CENATAC: variants seen among roughly 807,000 people sequenced by gnomAD.
CENATAC encodes the protein coiled-coil domain containing 84.
A neutral mutation model predicts 53.7 loss-of-function variants in CENATAC; 53 were observed. The ratio of observed to expected loss-of-function variants is 0.99; its 90% CI spans 0.79 to 1.24. The LOEUF (loss-of-function observed/expected upper bound fraction) is 1.24, where lower values mean the gene tolerates loss of function less well. Among genes scored for constraint, CENATAC ranks in the 50% most tolerant of loss-of-function variants. The pLI, the probability that CENATAC is intolerant of heterozygous loss-of-function variation, is 0.00. For synonymous variants in CENATAC, 156 were observed against 144.6 expected (o/e 1.08, Z -0.57); for missense variants, 474 against 417.8 (o/e 1.13, Z -1.17).
chr11:119,008,725 G>A (rs1006664248), intron 3 of CENATAC, among the ~76,000 whole-genome samples: 2 of 152,104 alleles, frequency 1.3e-5, no homozygotes, highest in Admixed American at 6.6e-5. Flanking sequence ...CTCATCCCAC[G>A]AGGCCATATT....
intron 7 of CENATAC, 143 bp downstream of exon 7, chr11:119,012,397 C>A: frequency 1.2e-6 from 1 of 857,308 alleles, no homozygotes; most frequent in Non-Finnish European, 1.8e-6. Context: ...TAGTAGTGTT[C>A]TCAGACCTCT....
In CENATAC at chr11:118,998,222, C is replaced by T; in HGVS notation, c.25C>T (p.Leu9=). MAPAQRCP[L]CRQTFFCGRG... ...TATGGCGCCGGCGCAGCGCTGCCCT[C>T]TGTGCCGCCAGACCTTCTTCTGTGG... is the stretch of plus-strand genomic sequence containing the variant. The change falls in exon 1 of 11, where the codon CTG becomes TTG. Residue 9 remains leucine (L), a synonymous_variant. Coordinates refer to ENST00000334418, the MANE Select transcript of CENATAC (RefSeq NM_198489.3). 6.3e-7 allele frequency: 1 copy of T among 1,583,728 alleles called. No homozygotes were observed. Among genetic ancestry groups the T allele is most frequent in the Middle Eastern group, 1.8e-4 (1 of 5,622 alleles).
At chr11:119,013,208 T>C (rs1379175813) in intron 7 of CENATAC, 24 bp from the exon 8 acceptor site, 6 of 1,588,336 alleles carry the variant, frequency 3.8e-6, no homozygotes, top group African/African-American at 1.4e-5. Flanking sequence ...TAACTAGCAC[T>C]TTTTTTCCCA....
At chr11:118,998,966 A>G in intron 2 of CENATAC, 45 bp from the exon 3 acceptor site, 3 of 1,436,392 alleles carry the variant, frequency 2.1e-6, no homozygotes, top group East Asian at 2.3e-5. Flanking sequence ...TCTGAGTAAT[A>G]TTTTATAATC....
intron 4 of CENATAC, 50 bp from the exon 5 acceptor site, chr11:119,011,170 GA>G (rs1323561116): frequency 6.5e-7 from 1 of 1,536,356 alleles, no homozygotes; most frequent in Non-Finnish European, 9.0e-7. Context: ...GGCCTCTGAA[GA>G]AACTGGCCCC....
chr11:119,010,666 T>G, intron 3 of CENATAC, 98 bp from the exon 4 acceptor site: 1 of 1,052,288 alleles, frequency 9.5e-7, no homozygotes, highest in South Asian at 1.4e-5. Flanking sequence ...GTTTCTGAAT[T>G]TGGAATTTCT....
chr11:119,002,952 A>C (rs1299279501), intron 3 of CENATAC: 4 of 386,282 alleles, frequency 1.0e-5, no homozygotes, highest in Non-Finnish European at 2.0e-5. Flanking sequence ...TGCCTTGATA[A>C]TTTTTTTTTT....
intron 8 of CENATAC, 107 bp from the exon 9 acceptor site, chr11:119,014,887 A>T: frequency 1.4e-6 from 1 of 718,088 alleles, no homozygotes; most frequent in Non-Finnish European, 2.3e-6. Flanking sequence ...CTTTGCTTTT[A>T]GACATTTCTA....
chr11:119,015,224 G>A, intron 9 of CENATAC, 83 bp from the exon 10 acceptor site: 1 of 1,499,864 alleles, frequency 6.7e-7, no homozygotes, highest in Non-Finnish European at 9.0e-7. Flanking sequence ...CCAGAAGTTT[G>A]AAAACAGCCT....
At chr11:119,004,781 C>G (rs1189313639) in intron 3 of CENATAC, 3 of 153,630 alleles carry the variant, frequency 2.0e-5, no homozygotes, top group Non-Finnish European at 2.9e-5. Flanking sequence ...AAAGGCAATT[C>G]AGTTGCAGTG....
In CENATAC at chr11:119,015,025, A is replaced by G. The variant is rs143147723; in HGVS notation, c.747A>G (p.Glu249=). 1.2e-6 allele frequency: 2 copies of G among 1,612,142 alleles called. No homozygotes were observed. The highest frequency in any genetic ancestry group is 1.1e-5 in the South Asian group (1 of 90,620). Residue 249 remains glutamate (E), a synonymous_variant, in exon 9 of 11, where the codon GAA becomes GAG. Coordinates refer to ENST00000334418, the MANE Select transcript of CENATAC (RefSeq NM_198489.3). ...GATPPWMIQD[E]EYIAGNQEIG... is the part of the protein sequence containing the mutation. ...CACCTCCCTGGATGATCCAAGATGA[A>G]GAATACATTGCTGGGAACCAAGAAA...
intron 7 of CENATAC, chr11:119,013,023 T>TA: frequency 2.0e-6 from 1 of 503,648 alleles, no homozygotes; most frequent in Non-Finnish European, 3.6e-6. Context: ...TCTCCACTGT[T>TA]ATGACTGTGA....
At chr11:119,014,958 T>TA (rs10680026) in intron 8 of CENATAC, 36 bp from the exon 9 acceptor site, 56,866 of 1,163,114 alleles carry the variant, frequency 0.049, 456 homozygotes, top group African/African-American at 0.16. Context: ...CCTGAAGACT[T>TA]AAAAAAAAAA....
At position 118,998,228 on chromosome 11, in the gene CENATAC, C is replaced by G. The variant is rs782696702; in HGVS notation, c.31C>G (p.Arg11Gly). 6.3e-7 allele frequency: 1 copy of G among 1,584,686 alleles called. No individual in the cohort carries two copies. The highest frequency in any genetic ancestry group is 8.6e-7 in the Non-Finnish European group (1 of 1,166,074). MAPAQRCPLC[R>G]QTFFCGRGHV... ...GCCGGCGCAGCGCTGCCCTCTGTGC[C>G]GCCAGACCTTCTTCTGTGGTCGCGG... Residue 11 changes from arginine (R) to glycine (G), a missense_variant, in exon 1 of 11, where the codon CGC (arginine) becomes GGC (glycine). Coordinates refer to ENST00000334418, the MANE Select transcript of CENATAC (RefSeq NM_198489.3).
chr11:119,012,283 G>A, intron 7 of CENATAC, 29 bp downstream of exon 7: 1 of 1,611,034 alleles, frequency 6.2e-7, no homozygotes, highest in South Asian at 1.1e-5. Flanking sequence ...CCAGAAGAGG[G>A]CCAATGGTCC....
At chr11:119,006,938 ACC>A (rs1942632441) in intron 3 of CENATAC, among the ~76,000 whole-genome samples, 1 of 152,014 alleles carries the variant, frequency 6.6e-6, no homozygotes, top group African/African-American at 2.4e-5. Context: ...CATGCCTTTC[ACC>A]TTCTGCTGTG....
intron 5 of CENATAC, 49 bp downstream of exon 5, chr11:119,011,332 C>G: frequency 1.3e-6 from 2 of 1,561,212 alleles, no homozygotes; most frequent in East Asian, 4.5e-5. Context: ...CCACTGATCC[C>G]TGGCATTCCC....
At position 119,015,608 on chromosome 11, in the gene CENATAC, C is replaced by T. The variant is rs781897531; in HGVS notation, c.*10C>T. The T allele has an allele frequency of 7.4e-6, 12 of 1,613,820 alleles. No homozygotes were observed. The highest frequency in any genetic ancestry group is 3.3e-5 in the South Asian group (3 of 91,078). On this transcript the variant is annotated 3_prime_UTR_variant, in exon 11 of 11. Coordinates refer to ENST00000334418, the MANE Select transcript of CENATAC (RefSeq NM_198489.3). Reference sequence around the variant, plus strand: ...TACAGAAAAAAGCTAATCATGCTCTCTACCAACTACCATGAGGCTAAAAGC... The same window carrying T: ...TACAGAAAAAAGCTAATCATGCTCTTTACCAACTACCATGAGGCTAAAAGC...
At chr11:118,998,398 C>T (rs1262721464) in intron 1 of CENATAC, 32 bp from the exon 2 acceptor site, 2 of 1,612,142 alleles carry the variant, frequency 1.2e-6, no homozygotes, top group Non-Finnish European at 1.7e-6. Flanking sequence ...TGGGGGTCCC[C>T]CTCGGGGTTC....
Sources: gnomAD v4.1 joint callset for allele counts (sites outside exome capture counted in the v4.1 genomes callset) on GRCh38, gnomAD v4.1.1 for gene constraint, MANE v1.5 for transcripts, NCBI Gene and HGNC (gene_info 2026-07-23, HGNC 2026-07-21) for gene names.